Variants in TRMT11 observed in about 807,000 individuals in gnomAD.
TRMT11 encodes the protein tRNA methyltransferase 11, also known as tRNA (guanine(10)-N(2))-methyltransferase TRMT11.
A neutral mutation model predicts 62.8 loss-of-function variants in TRMT11; 53 were observed. The observed-to-expected ratio is 0.84, with a 90% confidence interval of 0.68 to 1.06. The LOEUF (loss-of-function observed/expected upper bound fraction) is 1.06. Among genes scored for constraint, TRMT11 ranks in the 50% least tolerant of loss-of-function variants. The probability of loss-of-function intolerance (pLI) is 0.00; values close to 1 mark genes in which losing one functional copy is unlikely to be tolerated. For synonymous variants in TRMT11, 188 were observed against 190.3 expected (o/e 0.99, Z 0.10); for missense variants, 556 against 553.4 (o/e 1.00, Z -0.05).
chr6:126,099,545 A>C (rs1198031042), intron 17 of TRMT11, among the ~76,000 whole-genome samples: 1 of 152,174 alleles, frequency 6.6e-6, no homozygotes, highest in East Asian at 1.9e-4. Context: ...TCAGGAGTGC[A>C]AGCCCAGCCT....
chr6:126,042,334 C>T (rs539281306), downstream of TRMT11, among the ~76,000 whole-genome samples: 29 of 152,300 alleles, frequency 1.9e-4, no homozygotes, highest in East Asian at 4.4e-3. Flanking sequence ...TTAGACATAA[C>T]TGAGGCCAAC....
intron 21 of TRMT11, among the ~76,000 whole-genome samples, chr6:126,134,289 A>G (rs1777825058): frequency 6.6e-6 from 1 of 151,942 alleles, no homozygotes; most frequent in African/African-American, 2.4e-5. Flanking sequence ...ATAGACTGAA[A>G]GTGAAGGGAT....
chr6:126,109,483 G>C (rs903207151), intron 17 of TRMT11, among the ~76,000 whole-genome samples: 1 of 152,166 alleles, frequency 6.6e-6, no homozygotes, highest in Non-Finnish European at 1.5e-5. Flanking sequence ...GTGATGCTAT[G>C]TTCTCAGTGC....
At chr6:126,049,588 T>C (rs1562306078) in intron 16 of TRMT11, among the ~76,000 whole-genome samples, 1 of 152,146 alleles carries the variant, frequency 6.6e-6, no homozygotes, top group Non-Finnish European at 1.5e-5. Context: ...CTATGGGAGT[T>C]CCATGCATGG....
chr6:126,104,927 A>C (rs765028217), intron 17 of TRMT11, among the ~76,000 whole-genome samples: 7 of 152,180 alleles, frequency 4.6e-5, no homozygotes, highest in Admixed American at 1.3e-4. Context: ...CTTATTTGTC[A>C]TACACCTTCC....
the TRMT11 span, among the ~76,000 whole-genome samples, chr6:126,241,478 A>C: frequency 2.0e-5 from 3 of 152,322 alleles, no homozygotes; most frequent in East Asian, 5.8e-4. Flanking sequence ...AAAGCCTGGC[A>C]GAGACACAAC....
upstream of TRMT11, among the ~76,000 whole-genome samples, chr6:126,173,138 T>C (rs1778348919): frequency 6.6e-6 from 1 of 152,180 alleles, no homozygotes; most frequent in African/African-American, 2.4e-5. Context: ...TAGCAGAATT[T>C]CTGTCTTCAA....
chr6:126,200,248 T>C (rs929536049), intron 3 of TRMT11, among the ~76,000 whole-genome samples: 5 of 152,138 alleles, frequency 3.3e-5, no homozygotes, highest in African/African-American at 9.7e-5. Flanking sequence ...CTCGAAGATA[T>C]CCAAAACAGG....
At chr6:126,066,951 A>G (rs773645234) in intron 17 of TRMT11, among the ~76,000 whole-genome samples, 7 of 151,768 alleles carry the variant, frequency 4.6e-5, no homozygotes, top group Non-Finnish European at 1.5e-5. Flanking sequence ...AGGGCCGGGC[A>G]CAGTGGCTCA....
At chr6:126,208,939 A>T in the TRMT11 span, among the ~76,000 whole-genome samples, 1 of 152,250 alleles carries the variant, frequency 6.6e-6, no homozygotes, top group Non-Finnish European at 1.5e-5. Flanking sequence ...TTGAACAGAA[A>T]TGGACACAAT....
At chr6:126,082,479 T>C (rs1303373804) in intron 17 of TRMT11, among the ~76,000 whole-genome samples, 4 of 152,168 alleles carry the variant, frequency 2.6e-5, no homozygotes, top group Admixed American at 6.5e-5. Flanking sequence ...GGTTGCCACC[T>C]TGCAGAATCT....
the TRMT11 span, among the ~76,000 whole-genome samples, chr6:126,222,584 G>A: frequency 5.1e-4 from 77 of 150,776 alleles, no homozygotes; most frequent in African/African-American, 1.8e-3. Flanking sequence ...TTTTTTTTTG[G>A]CTATCGTGAA....
downstream of TRMT11, among the ~76,000 whole-genome samples, chr6:126,208,420 A>T (rs1002912415): frequency 6.6e-6 from 1 of 152,172 alleles, no homozygotes; most frequent in Non-Finnish European, 1.5e-5. Flanking sequence ...CTTCCAATTG[A>T]GTTAAATAGG....
chr6:126,048,482 C>T (rs1346590001), intron 16 of TRMT11, among the ~76,000 whole-genome samples: 1 of 152,168 alleles, frequency 6.6e-6, no homozygotes, highest in African/African-American at 2.4e-5. Flanking sequence ...ACAGTGGAAA[C>T]AAATTGTGGC....
chr6:126,269,251 G>A, the TRMT11 span, among the ~76,000 whole-genome samples: 2 of 124,932 alleles, frequency 1.6e-5, no homozygotes, highest in African/African-American at 6.5e-5. Context: ...GCGACAGAGC[G>A]AGACTCCGTC....
At chr6:126,088,219 CAG>C (rs200499320) in intron 17 of TRMT11, among the ~76,000 whole-genome samples, 10 of 152,016 alleles carry the variant, frequency 6.6e-5, no homozygotes, top group Non-Finnish European at 1.3e-4. Flanking sequence ...AATTTTATGA[CAG>C]ATTATTTTCC....
chr6:126,011,934 A>G (rs1794273506), intron 9 of TRMT11, among the ~76,000 whole-genome samples: 1 of 152,172 alleles, frequency 6.6e-6, no homozygotes, highest in South Asian at 2.1e-4. Context: ...CTGTGAACCT[A>G]CTGAGCTTCA....
upstream of TRMT11, among the ~76,000 whole-genome samples, chr6:126,175,593 A>G (rs1388690412): frequency 6.6e-6 from 1 of 152,210 alleles, no homozygotes; most frequent in Non-Finnish European, 1.5e-5. Context: ...AGTCTATTTC[A>G]TTATGTTTGC....
intron 17 of TRMT11, among the ~76,000 whole-genome samples, chr6:126,060,991 A>G (rs148608037): frequency 1.3e-5 from 2 of 152,340 alleles, no homozygotes; most frequent in African/African-American, 4.8e-5. Context: ...AAATCTTTCT[A>G]AGAGTTGCCA....
Sources: gnomAD v4.1 joint callset for allele counts (sites outside exome capture counted in the v4.1 genomes callset) on GRCh38, gnomAD v4.1.1 for gene constraint, MANE v1.5 for transcripts, NCBI Gene and HGNC (gene_info 2026-07-23, HGNC 2026-07-21) for gene names.